The following PAX1 variants were observed in gnomAD, a reference collection of about 807,000 sequenced individuals.
PAX1 encodes paired box 1.
A neutral mutation model predicts 35.6 loss-of-function variants in PAX1; 18 were observed. The ratio of observed to expected loss-of-function variants is 0.50; its 90% CI spans 0.35 to 0.75. The LOEUF (loss-of-function observed/expected upper bound fraction) is 0.75, where lower values mean the gene tolerates loss of function less well. Among genes scored for constraint, PAX1 ranks in the 30% least tolerant of loss-of-function variants. The pLI, the probability that PAX1 is intolerant of heterozygous loss-of-function variation, is 0.01. For synonymous variants in PAX1, 397 were observed against 305.2 expected (o/e 1.30, Z -3.14); for missense variants, 760 against 661.5 (o/e 1.15, Z -1.63).
In PAX1 at chr20:21,709,322, TCGCCCCGGGCC is replaced by T; in HGVS notation, c.1165_1175del (p.Pro389ValfsTer38). 6.3e-7 allele frequency: 1 copy of T among 1,599,202 alleles called. No individual in the cohort carries two copies. Among genetic ancestry groups the T allele is most frequent in the Non-Finnish European group, 8.5e-7 (1 of 1,178,040 alleles). On this transcript the variant is annotated frameshift_variant, in exon 4 of 5. Coordinates refer to ENST00000613128, the MANE Select transcript of PAX1 (RefSeq NM_001257096.2). LOFTEE classifies it high-confidence loss of function. ...TACAGCGCCCCGGGCGGCGGCTACC[TCGCCCCGGGCC>T]CGCCGTGGCCGCCTGCGCAAGGTCC...
chr20:21,712,393 G>A (rs965168406), intron 4 of PAX1, among the ~76,000 whole-genome samples: 3 of 152,006 alleles, frequency 2.0e-5, no homozygotes, highest in African/African-American at 4.8e-5. Flanking sequence ...AAAAAGTTTC[G>A]CTTAATCTTC....
Position 21,708,627 on chromosome 20 carries a change from C to T in PAX1, c.986C>T (p.Thr329Met). 1.2e-6 allele frequency: 2 copies of T among 1,613,466 alleles called. No homozygotes were observed. Among genetic ancestry groups the T allele is most frequent in the South Asian group, 1.1e-5 (1 of 91,090 alleles). The change falls in exon 3 of 5, where the codon ACG becomes ATG. Residue 329 changes from threonine to methionine, a missense_variant. Thr to Met is a moderately conservative substitution (Grantham distance 81, BLOSUM62 -1). Around this residue, in one of 3 missense-constraint regions of PAX1, gnomAD observed 490 missense variants for 428.4 expected, o/e 1.14. Transcript: ENST00000613128. ...GAAGACTGGGCCGGCGTGAACCGCA[C>T]GGCCTTCCCCGCCACCCCCGCAGTG... ...KMEDWAGVNR[T>M]AFPATPAVNG...
At position 21,705,904 on chromosome 20, in the gene PAX1, C is replaced by T. The variant is rs1254961063; in HGVS notation, c.192C>T (p.Gly64=). ...GALPLCLSRG[G]GGAQALPDCA... is the part of the protein sequence containing the mutation. The stretch of plus-strand genomic sequence containing the variant: ...TCCCTCTATGCCTCTCACGCGGCGG[C>T]GGCGGCGCCCAAGCTCTCCCGGACT... Residue 64 remains glycine, a synonymous_variant, in exon 1 of 5, where the codon GGC becomes GGT. Transcript: ENST00000613128. 4 of 1,398,986 alleles carry T rather than the reference C, an allele frequency of 2.9e-6. No homozygotes were observed. Among genetic ancestry groups the T allele is most frequent in the Non-Finnish European group, 2.8e-6 (3 of 1,079,188 alleles). The allele number at this position is 1,398,986 out of a possible 1,614,324, so 86.7% of individuals were successfully genotyped here.
At chr20:21,708,799 G>A (rs1985101552) in intron 3 of PAX1, 99 bp downstream of exon 3, 1 of 1,259,646 alleles carries the variant, frequency 7.9e-7, no homozygotes, top group Admixed American at 1.9e-5. Context: ...AAATTTCCAG[G>A]CAGAGAGATG....
Position 21,705,753 on chromosome 20 carries a change from T to G in PAX1, c.41T>G (p.Val14Gly), listed in dbSNP as rs1234701321. 4.0e-5 allele frequency: 50 copies of G among 1,252,512 alleles called. No individual in the cohort carries two copies. The highest frequency in any genetic ancestry group is 4.7e-5 in the Non-Finnish European group (47 of 995,332). The allele number at this position is 1,252,512 out of a possible 1,614,324, so 77.6% of individuals were successfully genotyped here. ...GGCCTGGGGTCGCGGGCGTGGAGAG[T>G]GTCCTGGGAGGGGGCAGCAGCGGCG... ...TLGLGSRAWR[V>G]SWEGAAAAAA... is the part of the protein sequence containing the mutation. The change falls in exon 1 of 5, where the codon GTG becomes GGG. Residue 14 changes from valine to glycine, a missense_variant. Physicochemically the swap from Val to Gly is moderately radical, Grantham distance 109 (BLOSUM62 -3). Coordinates refer to ENST00000613128, the MANE Select transcript of PAX1 (RefSeq NM_001257096.2).
intron 4 of PAX1, among the ~76,000 whole-genome samples, chr20:21,712,251 C>G (rs17861044): frequency 6.6e-6 from 1 of 152,126 alleles, no homozygotes; most frequent in African/African-American, 2.4e-5. Context: ...TTATTTAATA[C>G]TATAATTCAT....
chr20:21,705,799 C>T lies in PAX1; in HGVS notation c.87C>T (p.Gly29=). 7.8e-7 allele frequency: 1 copy of T among 1,279,226 alleles called. No homozygotes were observed. The highest frequency in any genetic ancestry group is 3.2e-5 in the South Asian group (1 of 31,108). 79.2% of individuals were successfully genotyped at this position (1,279,226 alleles called of 1,614,324 possible). A position where few individuals can be genotyped will look rare whatever the true frequency, so the allele number is the denominator to read the frequency against. Residue 29 remains glycine, a synonymous_variant, in exon 1 of 5, where the codon GGC becomes GGT. Transcript: ENST00000613128. The stretch of plus-strand genomic sequence containing the variant: ...CGGCGGCGGCAGGCCCTGGAGCGGG[C>T]GGCAGCGCGCTCCGCTGCCGCGCAC... ...AAAAAAGPGA[G]GSALRCRAQR... is the part of the protein sequence containing the mutation.
Position 21,708,715 on chromosome 20 carries a change from C to T in PAX1, c.1059+15C>T. 3 of 1,612,588 alleles carry T rather than the reference C, an allele frequency of 1.9e-6. No individual in the cohort carries two copies. The East Asian group carries it at 6.7e-5, about 36-fold the overall frequency. ...AATACACTCAGGTAACCAGGAGGCA[C>T]GTGAGGCCGTGACCTTAAGTAGGGA... On this transcript the variant is annotated intron_variant, in intron 3 of 4. Transcript: ENST00000613128.
At chr20:21,708,417 G>A in intron 2 of PAX1, 141 bp from the exon 3 acceptor site, 9 of 938,766 alleles carry the variant, frequency 9.6e-6, no homozygotes, top group Non-Finnish European at 1.2e-5. Flanking sequence ...AGTCCCTGCC[G>A]CCTCCTGGTG....
Position 21,706,873 on chromosome 20 carries a change from C to G in PAX1, c.722C>G (p.Pro241Arg). 6.2e-7 allele frequency: 1 copy of G among 1,613,440 alleles called. No individual in the cohort carries two copies. Among genetic ancestry groups the G allele is most frequent in the South Asian group, 1.1e-5 (1 of 91,084 alleles). The change falls in exon 2 of 5, where the codon CCG (proline) becomes CGG (arginine). Residue 241 changes from proline to arginine, a missense_variant. This residue lies in a region of PAX1 where 490 missense variants were observed against 428.4 expected (regional missense o/e 1.14). Coordinates refer to ENST00000613128, the MANE Select transcript of PAX1 (RefSeq NM_001257096.2). The surrounding 1 kb of genome is among the most constrained non-coding windows in gnomAD (Gnocchi z 5.3). ...PGPYEASKQP[P>R]SQPTLPYNHI... is the part of the protein sequence containing the mutation. Reference sequence around the variant, plus strand: ...CCGTACGAGGCAAGTAAGCAGCCGCCGTCGCAGCCTACGCTGCCCTACAAC... The same window carrying G: ...CCGTACGAGGCAAGTAAGCAGCCGCGGTCGCAGCCTACGCTGCCCTACAAC...
chr20:21,714,383 C>T, intron 4 of PAX1, 88 bp from the exon 5 acceptor site: 8 of 972,928 alleles, frequency 8.2e-6, no homozygotes, highest in South Asian at 1.7e-5. Flanking sequence ...CGCTCACGAC[C>T]TCGCTCTGCA....
Position 21,714,587 on chromosome 20 carries a change from C to A in PAX1, c.*25C>A, listed in dbSNP as rs1199596810. ...GGGGCAGCTCTCCCCGGACCCGAGC[C>A]CGGAGGGAACGGCAGGCGGACCCGG... On this transcript the variant is annotated 3_prime_UTR_variant, in exon 5 of 5. Transcript: ENST00000613128. 7.0e-6 allele frequency: 11 copies of A among 1,577,128 alleles called. No homozygotes were observed. Among genetic ancestry groups the A allele is most frequent in the Non-Finnish European group, 8.6e-6 (10 of 1,162,346 alleles).
At chr20:21,707,174 C>A (rs1985047273) in intron 2 of PAX1, 107 bp downstream of exon 2, 2 of 1,405,216 alleles carry the variant, frequency 1.4e-6, no homozygotes, top group Non-Finnish European at 9.9e-7. Context: ...CCGGTTCTGG[C>A]TCAGGGGAGG....
In PAX1 at chr20:21,705,841, G is replaced by A; in HGVS notation, c.129G>A (p.Pro43=). ...LRCRAQRVSS[P]RLGRRGSRLS... is the part of the protein sequence containing the mutation. ...GCCGCGCACAGCGCGTCTCCAGCCCGCGGCTGGGCCGCCGCGGCTCTCGGC... is the reference window on the plus strand; with the variant it reads ...GCCGCGCACAGCGCGTCTCCAGCCCACGGCTGGGCCGCCGCGGCTCTCGGC... Residue 43 remains proline (P), a synonymous_variant, in exon 1 of 5, where the codon CCG becomes CCA. Coordinates refer to ENST00000613128, the MANE Select transcript of PAX1 (RefSeq NM_001257096.2). 1 of 1,365,522 alleles carries A rather than the reference G, an allele frequency of 7.3e-7. No individual in the cohort carries two copies. Among genetic ancestry groups the A allele is most frequent in the South Asian group, 1.7e-5 (1 of 58,658 alleles). The allele number at this position is 1,365,522 out of a possible 1,614,324, so 84.6% of individuals were successfully genotyped here.
At chr20:21,707,256 A>T (rs904395806) in intron 2 of PAX1, among the ~76,000 whole-genome samples, 189 bp downstream of exon 2, 1 of 152,140 alleles carries the variant, frequency 6.6e-6, no homozygotes, top group African/African-American at 2.4e-5. Flanking sequence ...TGAACTTTTT[A>T]TGACAAATAT....
At chr20:21,709,909 C>G (rs925793302) in intron 4 of PAX1, among the ~76,000 whole-genome samples, 1 of 152,098 alleles carries the variant, frequency 6.6e-6, no homozygotes, top group Non-Finnish European at 1.5e-5. Flanking sequence ...ACCTCCATCC[C>G]CAGACCCTTC....
At chr20:21,714,306 C>A (rs1349324919) in intron 4 of PAX1, among the ~76,000 whole-genome samples, 165 bp from the exon 5 acceptor site, 1 of 152,172 alleles carries the variant, frequency 6.6e-6, no homozygotes, top group Non-Finnish European at 1.5e-5. Context: ...TGGTCGCCCA[C>A]GGAAGCTTGG....
chr20:21,715,018 T>C lies in PAX1; in HGVS notation c.*456T>C. 1.6e-6 allele frequency: 1 copy of C among 629,252 alleles called. No individual in the cohort carries two copies. Among genetic ancestry groups the C allele is most frequent in the East Asian group, 2.7e-5 (1 of 36,480 alleles). 39.0% of individuals were successfully genotyped at this position (629,252 alleles called of 1,614,324 possible). On this transcript the variant is annotated 3_prime_UTR_variant, in exon 5 of 5. Transcript: ENST00000613128. ...CTTTCCCCGACCTTCCAGGGCTCCC[T>C]CTGCCCTTCCACTCTCTTTTCCTTG... is the stretch of plus-strand genomic sequence containing the variant.
chr20:21,709,096 A>C (rs1242174199), intron 3 of PAX1, 126 bp from the exon 4 acceptor site: 1 of 810,744 alleles, frequency 1.2e-6, no homozygotes, highest in Non-Finnish European at 2.2e-6. Flanking sequence ...CAGGCCTCGC[A>C]TGGGGATAAT....
Sources: allele counts gnomAD v4.1 joint callset (sites outside exome capture counted in the v4.1 genomes callset), GRCh38; gene constraint gnomAD v4.1.1; regional missense constraint gnomAD v4.1.1; non-coding constraint Gnocchi (gnomAD v3.1); transcripts MANE v1.5; gene names NCBI Gene and HGNC (gene_info 2026-07-23, HGNC 2026-07-21).